The following CAD variants were observed in gnomAD, a reference collection of about 807,000 sequenced individuals.
CAD encodes the protein multifunctional protein CAD.
A neutral mutation model predicts 237.2 loss-of-function variants in CAD; 81 were observed. The ratio of observed to expected loss-of-function variants is 0.34; its 90% CI spans 0.29 to 0.41. CAD has a LOEUF of 0.41. CAD is among the 10% of genes least tolerant of loss of function. The pLI is 1.00. For missense variants in CAD, 2,181 were observed against 2,951.7 expected (o/e 0.74, Z 6.05); for synonymous variants, 1,196 against 1,162.8 (o/e 1.03, Z -0.58).
rs969360487 is a variant in CAD, at chr2:27,240,776, C to G, written c.5594-135C>G. On this transcript the variant is annotated intron_variant, in intron 35 of 43. Coordinates refer to ENST00000264705, the MANE Select transcript of CAD (RefSeq NM_004341.5). The surrounding 1 kb of genome is among the most constrained non-coding windows in gnomAD (Gnocchi z 4.6). ...CCCAGAGCTGCTGCAGTCCCCTGCC[C>G]TCCCCTAACCTGCTATATTACTGTG... 6 of 1,177,898 alleles carry G rather than the reference C, an allele frequency of 5.1e-6. No individual in the cohort carries two copies. The highest frequency in any genetic ancestry group is 1.5e-5 in the African/African-American group (1 of 66,066). 73.0% of individuals were successfully genotyped at this position (1,177,898 alleles called of 1,614,324 possible).
chr2:27,222,590 G>C lies in CAD; in HGVS notation c.567G>C (p.Gln189His). 6.2e-7 allele frequency: 1 copy of C among 1,614,140 alleles called. No homozygotes were observed. Among genetic ancestry groups the C allele is most frequent in the Non-Finnish European group, 8.5e-7 (1 of 1,180,016 alleles). The change falls in exon 5 of 44, where the codon CAG becomes CAC. Residue 189 changes from glutamine to histidine, a missense_variant. Transcript: ENST00000264705. ...LALDCGLKYN[Q>H]IRCLCQRGAE... ...TGGACTGTGGCCTCAAGTATAATCA[G>C]ATCCGATGCCTCTGCCAGCGTGGGG...
At chr2:27,230,354 A>G (rs912951817) in intron 15 of CAD, among the ~76,000 whole-genome samples, 7 of 150,966 alleles carry the variant, frequency 4.6e-5, no homozygotes, top group African/African-American at 1.2e-4. Context: ...AAACATACCT[A>G]TGAAGGGCCC....
rs751781025 is a variant in CAD at position 27,225,891 on chromosome 2, G to A, written c.1807G>A (p.Glu603Lys). 1.2e-6 allele frequency: 2 copies of A among 1,614,110 alleles called. No individual in the cohort carries two copies. The highest frequency in any genetic ancestry group is 1.3e-5 in the African/African-American group (1 of 74,948). Residue 603 changes from glutamate (E) to lysine (K), a missense_variant, in exon 12 of 44, where the codon GAG becomes AAG. By Grantham distance (56) the Glu-to-Lys change is moderately conservative. This residue lies in a region of CAD where 385 missense variants were observed against 535.1 expected (regional missense o/e 0.72). Coordinates refer to ENST00000264705, the MANE Select transcript of CAD (RefSeq NM_004341.5). ...GAAGGGATGGAAGGAGATTGAGTACGAGGTGGTGAGAGACGCCTATGGCAA... is the reference window on the plus strand; with the variant it reads ...GAAGGGATGGAAGGAGATTGAGTACAAGGTGGTGAGAGACGCCTATGGCAA... ...SLKGWKEIEY[E>K]VVRDAYGNCV...
chr2:27,223,142 G>A (rs1454836134), intron 6 of CAD, 105 bp downstream of exon 6: 34 of 1,242,946 alleles, frequency 2.7e-5, no homozygotes, highest in East Asian at 1.7e-4. Context: ...AAATAGGAGC[G>A]GGGGGGTTGC....
chr2:27,218,343 C>T (rs1288005436), intron 2 of CAD, among the ~76,000 whole-genome samples: 2 of 152,302 alleles, frequency 1.3e-5, no homozygotes, highest in East Asian at 3.9e-4. Flanking sequence ...CCTTGTCCAA[C>T]TTGTTAGGCA....
chr2:27,234,727 G>T lies in CAD; in HGVS notation c.3786+42G>T, dbSNP rs1168013094. Reference sequence around the variant, plus strand: ...CCCTTGGGGTTAGCAGAAAAATAGCGGGAGAGAGTTCACTCACCACACAGA... The same window carrying T: ...CCCTTGGGGTTAGCAGAAAAATAGCTGGAGAGAGTTCACTCACCACACAGA... On this transcript the variant is annotated intron_variant, in intron 23 of 43. Coordinates refer to ENST00000264705, the MANE Select transcript of CAD (RefSeq NM_004341.5). The T allele has an allele frequency of 3.8e-6, 6 of 1,575,608 alleles. No homozygotes were observed. In the Admixed American group the frequency reaches 7.0e-5, roughly 18 times the overall value.
intron 2 of CAD, among the ~76,000 whole-genome samples, chr2:27,218,719 A>G (rs1467567475): frequency 1.3e-5 from 2 of 152,126 alleles, no homozygotes; most frequent in African/African-American, 4.8e-5. Flanking sequence ...TTCACCTCTG[A>G]AATTTGGAAA....
chr2:27,240,956 G>A lies in CAD; in HGVS notation c.5638+1G>A, dbSNP rs765482699. On this transcript the variant is annotated splice_donor_variant, in intron 36 of 43. Coordinates refer to ENST00000264705, the MANE Select transcript of CAD (RefSeq NM_004341.5). LOFTEE classifies it high-confidence loss of function. This position sits in a 1 kb window ranked among gnomAD's most constrained non-coding sequence, Gnocchi z 4.6. ...TCCTCTCGGAAGGTAGCCGAGCCAGGTGAGACTCCACCCTGACACACACTC... is the reference window on the plus strand; with the variant it reads ...TCCTCTCGGAAGGTAGCCGAGCCAGATGAGACTCCACCCTGACACACACTC... 6.2e-7 allele frequency: 1 copy of A among 1,614,114 alleles called. No individual in the cohort carries two copies. The highest frequency in any genetic ancestry group is 8.5e-7 in the Non-Finnish European group (1 of 1,180,010).
chr2:27,218,603 C>G (rs943715515), intron 2 of CAD, among the ~76,000 whole-genome samples: 2 of 152,150 alleles, frequency 1.3e-5, no homozygotes, highest in African/African-American at 4.8e-5. Flanking sequence ...ACATTATCTT[C>G]TAGACCTACT....
In CAD at chr2:27,236,537, A is replaced by G. The variant is rs759605732; in HGVS notation, c.4314+14A>G. On this transcript the variant is annotated intron_variant, in intron 26 of 43. Transcript: ENST00000264705. The surrounding 1 kb of genome is among the most constrained non-coding windows in gnomAD (Gnocchi z 4.1). ...CTCTTTGTGGAGGTAACTGAGACCC[A>G]TGTGCTGGGAGGGAGACTGCCAGTG... is the stretch of plus-strand genomic sequence containing the variant. 5.6e-6 allele frequency: 9 copies of G among 1,608,444 alleles called. No homozygotes were observed. Among genetic ancestry groups the G allele is most frequent in the Non-Finnish European group, 5.1e-6 (6 of 1,179,152 alleles).
chr2:27,223,943 C>A lies in CAD; in HGVS notation c.1022C>A (p.Ala341Asp). 6.2e-7 allele frequency: 1 copy of A among 1,613,740 alleles called. No homozygotes were observed. The highest frequency in any genetic ancestry group is 8.5e-7 in the Non-Finnish European group (1 of 1,179,604). ...FSVQFHPEHQ[A>D]GPSDMELLFD... ...GTCCAGTTTCACCCAGAGCACCAAG[C>A]TGGCCCTTCAGATATGGAACTGCTT... The change falls in exon 8 of 44, where the codon GCT becomes GAT. Residue 341 changes from alanine to aspartate, a missense_variant. Ala to Asp is a moderately radical substitution (Grantham distance 126, BLOSUM62 -2). Transcript: ENST00000264705.
chr2:27,223,006 T>C lies in CAD; in HGVS notation c.778T>C (p.Leu260=). 6.2e-7 allele frequency: 1 copy of C among 1,614,230 alleles called. No homozygotes were observed. The highest frequency in any genetic ancestry group is 8.5e-7 in the Non-Finnish European group (1 of 1,180,050). ...GICLGHQLLA[L]AIGAKTYKMR... is the part of the protein sequence containing the mutation. ...CTGCCTGGGACACCAGCTATTGGCC[T>C]TAGCCATTGGGGCCAAGACTTACAA... Residue 260 remains leucine, a synonymous_variant, in exon 6 of 44, where the codon TTA becomes CTA. Coordinates refer to ENST00000264705, the MANE Select transcript of CAD (RefSeq NM_004341.5).
chr2:27,229,588 G>A (rs1480408533), intron 15 of CAD, among the ~76,000 whole-genome samples: 1 of 152,068 alleles, frequency 6.6e-6, no homozygotes, highest in East Asian at 1.9e-4. Context: ...ACACTTAAAA[G>A]CGAAATGGGC....
At chr2:27,220,632 C>T (rs1450282527) in intron 2 of CAD, among the ~76,000 whole-genome samples, 3 of 149,572 alleles carry the variant, frequency 2.0e-5, no homozygotes, top group Non-Finnish European at 4.4e-5. Flanking sequence ...GCACTCCAGC[C>T]TGGATAACAG....
In CAD at chr2:27,243,269, G is replaced by A. The variant is rs1014353198; in HGVS notation, c.6552G>A (p.Pro2184=). The part of the protein sequence containing the change: ...RAKKKMVVMH[P]MPRVNEISVE... ...AGAAGAAGATGGTGGTGATGCACCC[G>A]ATGCCCCGTGTCAACGAGATAAGGT... Residue 2184 remains proline (P), a synonymous_variant, in exon 43 of 44, where the codon CCG becomes CCA. Transcript: ENST00000264705. The A allele has an allele frequency of 2.5e-6, 4 of 1,614,074 alleles. No homozygotes were observed. The highest frequency in any genetic ancestry group is 3.4e-6 in the Non-Finnish European group (4 of 1,179,998).
In CAD at chr2:27,243,595, A is replaced by C. The variant is rs1572457097; in HGVS notation, c.*77A>C. ...TTCCAGTGCCTCCTACGGGGGCAGC[A>C]CACTTAGATATTCCTGGACATCCAG... On this transcript the variant is annotated 3_prime_UTR_variant, in exon 44 of 44. Coordinates refer to ENST00000264705, the MANE Select transcript of CAD (RefSeq NM_004341.5). 7 of 1,055,508 alleles carry C rather than the reference A, an allele frequency of 6.6e-6. No individual in the cohort carries two copies. The East Asian group carries it at 1.8e-4, about 27-fold the overall frequency. 65.4% of individuals were successfully genotyped at this position (1,055,508 alleles called of 1,614,324 possible).
At position 27,240,875 on chromosome 2, in the gene CAD, C is replaced by T. The variant is rs1230308963; in HGVS notation, c.5594-36C>T. ...ATGGGGTTTCTTTCCAAACCTCAGC[C>T]ATAAATGTATATCTGTCCTCTTGTC... is the stretch of plus-strand genomic sequence containing the variant. On this transcript the variant is annotated intron_variant, in intron 35 of 43. Transcript: ENST00000264705. This position sits in a 1 kb window ranked among gnomAD's most constrained non-coding sequence, Gnocchi z 4.6. 2 of 1,610,502 alleles carry T rather than the reference C, an allele frequency of 1.2e-6. No homozygotes were observed. The highest frequency in any genetic ancestry group is 1.3e-5 in the African/African-American group (1 of 74,946).
At chr2:27,229,153 C>T (rs1022652524) in intron 15 of CAD, among the ~76,000 whole-genome samples, 3 of 151,082 alleles carry the variant, frequency 2.0e-5, no homozygotes, top group Middle Eastern at 7.0e-3. Flanking sequence ...CTCTTAACCT[C>T]GTGATCCGCC....
At chr2:27,229,276 CT>C (rs34961252) in intron 15 of CAD, among the ~76,000 whole-genome samples, 5 of 148,868 alleles carry the variant, frequency 3.4e-5, no homozygotes, top group South Asian at 2.1e-4. Flanking sequence ...ATTATGAAAA[CT>C]TTTTTTTTTA....
Sources: allele counts gnomAD v4.1 joint callset (sites outside exome capture counted in the v4.1 genomes callset), GRCh38; gene constraint gnomAD v4.1.1; regional missense constraint gnomAD v4.1.1; non-coding constraint Gnocchi (gnomAD v3.1); transcripts MANE v1.5; gene names NCBI Gene and HGNC (gene_info 2026-07-23, HGNC 2026-07-21).